Variants in ABCA7 observed in about 807,000 individuals in gnomAD.
ABCA7 encodes ATP binding cassette subfamily A member 7, also known as phospholipid-transporting ATPase ABCA7.
Under a neutral mutation model 227.6 loss-of-function variants are expected in ABCA7, and 261 were observed. The ratio of observed to expected loss-of-function variants is 1.15; its 90% CI spans 1.04 to 1.27. The LOEUF (loss-of-function observed/expected upper bound fraction) is 1.27. Among genes scored for constraint, ABCA7 ranks in the 50% most tolerant of loss-of-function variants. The pLI, the probability that ABCA7 is intolerant of heterozygous loss-of-function variation, is 0.00. For synonymous variants in ABCA7, 1,488 were observed against 1,279.7 expected (o/e 1.16, Z -3.47); for missense variants, 3,331 against 2,924.5 (o/e 1.14, Z -3.21).
chr19:1,053,700 A>T, intron 24 of ABCA7, 88 bp from the exon 25 acceptor site: 3 of 1,545,074 alleles, frequency 1.9e-6, no homozygotes, highest in East Asian at 2.3e-5. Flanking sequence ...GGCCTGGGGG[A>T]CCCATGGTGT....
chr19:1,054,446 C>T lies in ABCA7; in HGVS notation c.3726+105C>T. 3 of 1,552,002 alleles carry T rather than the reference C, an allele frequency of 1.9e-6. No homozygotes were observed. The highest frequency in any genetic ancestry group is 2.6e-6 in the Non-Finnish European group (3 of 1,150,212). ...AAACCCTTACCCCCGTGTGTATTCCCAACCCAAAGCACATTTATTGAGGGC... is the reference window on the plus strand; with the variant it reads ...AAACCCTTACCCCCGTGTGTATTCCTAACCCAAAGCACATTTATTGAGGGC... On this transcript the variant is annotated intron_variant, in intron 27 of 46. Transcript: ENST00000263094. The surrounding 1 kb of genome is among the most constrained non-coding windows in gnomAD (Gnocchi z 4.8).
chr19:1,060,615 G>A (rs544106183), intron 40 of ABCA7, among the ~76,000 whole-genome samples: 27 of 151,612 alleles, frequency 1.8e-4, no homozygotes, highest in Non-Finnish European at 3.2e-4. Context: ...TGCCTCCCAG[G>A]TTCAGGCGAT....
chr19:1,056,806 A>T lies in ABCA7; in HGVS notation c.4587-101A>T. On this transcript the variant is annotated intron_variant, in intron 33 of 46. Coordinates refer to ENST00000263094, the MANE Select transcript of ABCA7 (RefSeq NM_019112.4). This position sits in a 1 kb window ranked among gnomAD's most constrained non-coding sequence, Gnocchi z 4.3. ...GCCCCTGCCATCTCTGCCACTGCTG[A>T]CTGCCCCATAGACCTTTGTCCCATC... 7.5e-7 allele frequency: 1 copy of T among 1,330,354 alleles called. No individual in the cohort carries two copies. Among genetic ancestry groups the T allele is most frequent in the South Asian group, 1.4e-5 (1 of 73,192 alleles). 82.4% of individuals were successfully genotyped at this position (1,330,354 alleles called of 1,614,324 possible). A position where few individuals can be genotyped will look rare whatever the true frequency, so the allele number is the denominator to read the frequency against.
Position 1,054,691 on chromosome 19 carries a change from T to C in ABCA7, c.3848T>C (p.Phe1283Ser). 6.2e-7 allele frequency: 1 copy of C among 1,612,600 alleles called. No homozygotes were observed. Among genetic ancestry groups the C allele is most frequent in the Non-Finnish European group, 8.5e-7 (1 of 1,179,294 alleles). The change falls in exon 28 of 47, where the codon TTC becomes TCC. Residue 1283 changes from phenylalanine (F) to serine (S), a missense_variant. Phe to Ser is a radical substitution (Grantham distance 155). Coordinates refer to ENST00000263094, the MANE Select transcript of ABCA7 (RefSeq NM_019112.4). The surrounding 1 kb of genome is among the most constrained non-coding windows in gnomAD (Gnocchi z 4.8). ...PTMYGAQVSF[F>S]SEDAPGDPGR... ...ATGTACGGTGCTCAGGTGTCCTTCT[T>C]CAGGTGGGTGCAGAAGGAAGGGGCT... is the stretch of plus-strand genomic sequence containing the variant.
intron 30 of ABCA7, 105 bp downstream of exon 30, chr19:1,055,456 G>C (rs2042161934): frequency 7.5e-7 from 1 of 1,341,614 alleles, no homozygotes; most frequent in Non-Finnish European, 9.8e-7. Context: ...TGGATGCCCA[G>C]CTTGGGGCTA....
rs73505207 is a variant in ABCA7, at chr19:1,045,374, C to T, written c.1445+143C>T. 5,111 of 889,188 alleles carry T rather than the reference C, an allele frequency of 5.7e-3. 177 individuals carry two copies. The African/African-American group carries it at 0.076, about 13-fold the overall frequency. 55.1% of individuals were successfully genotyped at this position (889,188 alleles called of 1,614,324 possible). On this transcript the variant is annotated intron_variant, in intron 12 of 46. Transcript: ENST00000263094. ...CAACAGTGGTATGGTAGCCAGAGCC[C>T]GGGGCTCCTTAGACCAATAGGGGCC...
Position 1,060,267 on chromosome 19 carries a change from A to C in ABCA7, c.5463+1182A>C, listed in dbSNP as rs1300806634. ...CTCACTGTCACCCAGCTTGGTGTGCAATGGTGTAATCTTGGCTCACGGTAA... is the reference window on the plus strand; with the variant it reads ...CTCACTGTCACCCAGCTTGGTGTGCCATGGTGTAATCTTGGCTCACGGTAA... On this transcript the variant is annotated intron_variant, in intron 40 of 46. Transcript: ENST00000263094. 4.0e-5 allele frequency among the ~76,000 whole-genome samples: 6 copies of C among 149,736 alleles called. No homozygotes were observed. In the East Asian group the frequency reaches 9.7e-4, roughly 24 times the overall value.
At chr19:1,063,461 T>A (rs547734297) in intron 42 of ABCA7, 83 bp from the exon 43 acceptor site, 1 of 1,537,194 alleles carries the variant, frequency 6.5e-7, no homozygotes, top group African/African-American at 1.4e-5. Context: ...TGCTCCACAC[T>A]CAATGCTGGC....
chr19:1,052,183 G>A (rs777538240), intron 22 of ABCA7, 31 bp from the exon 23 acceptor site: 5 of 1,591,162 alleles, frequency 3.1e-6, no homozygotes, highest in African/African-American at 1.4e-5. Context: ...AGCCCTGAAG[G>A]CCAAGCCACT....
Position 1,056,195 on chromosome 19 carries a change from A to T in ABCA7, c.4368A>T (p.Lys1456Asn), listed in dbSNP as rs144760377. 3.7e-6 allele frequency: 6 copies of T among 1,605,850 alleles called. No homozygotes were observed. The African/African-American group carries it at 8.0e-5, about 21-fold the overall frequency. Reference protein sequence around the residue: ...LPGGALDRVLKNLTAWAHSLD... With the variant: ...LPGGALDRVLNNLTAWAHSLD... ...GCGGGGCCCTCGACCGTGTCCTGAA[A>T]AACCTCACAGCCTGGGCTCACAGCC... Residue 1456 changes from lysine to asparagine, a missense_variant, in exon 32 of 47, where the codon AAA (lysine) becomes AAT (asparagine). By Grantham distance (94) the Lys-to-Asn change is moderately conservative. Transcript: ENST00000263094. This position sits in a 1 kb window ranked among gnomAD's most constrained non-coding sequence, Gnocchi z 4.3.
Position 1,056,263 on chromosome 19 carries a change from G to A in ABCA7, c.4416+20G>A, listed in dbSNP as rs201363859. 8 of 1,590,174 alleles carry A rather than the reference G, an allele frequency of 5.0e-6. No individual in the cohort carries two copies. In the African/African-American group the frequency reaches 6.7e-5, roughly 13 times the overall value. On this transcript the variant is annotated intron_variant, in intron 32 of 46. Transcript: ENST00000263094. This position sits in a 1 kb window ranked among gnomAD's most constrained non-coding sequence, Gnocchi z 4.3. ...CTCAAGGTGGGAACTGGGGGGGCAG[G>A]TGGGCGTCCTGTCACAGCAAGGTCC...
intron 40 of ABCA7, among the ~76,000 whole-genome samples, chr19:1,059,721 G>A (rs1254635917): frequency 6.6e-6 from 1 of 151,142 alleles, no homozygotes; most frequent in African/African-American, 2.4e-5. Flanking sequence ...CTGCCATCAC[G>A]CCTGGCTAAT....
intron 21 of ABCA7, 42 bp from the exon 22 acceptor site, chr19:1,051,900 C>G (rs201848751): frequency 6.3e-7 from 1 of 1,596,260 alleles, no homozygotes; most frequent in Admixed American, 1.7e-5. Context: ...GGCAAAGACG[C>G]GGCGGCCTGA....
Position 1,057,327 on chromosome 19 carries a change from T to A in ABCA7, c.4778T>A (p.Val1593Glu), listed in dbSNP as rs780151681. The A allele has an allele frequency of 6.2e-7, 1 of 1,613,936 alleles. No homozygotes were observed. The highest frequency in any genetic ancestry group is 1.7e-5 in the Admixed American group (1 of 60,018). The stretch of plus-strand genomic sequence containing the variant: ...TCTCCAATGCAGTGTAACTACTTGG[T>A]GCCAGCATGCATCGTGGTGCTCATC... ...NFLWDMCNYL[V>E]PACIVVLIFL... Residue 1593 changes from valine (V) to glutamate (E), a missense_variant, in exon 35 of 47, where the codon GTG becomes GAG. Physicochemically the swap from Val to Glu is moderately radical, Grantham distance 121. Coordinates refer to ENST00000263094, the MANE Select transcript of ABCA7 (RefSeq NM_019112.4).
chr19:1,060,207 A>ATATATATATATATATATATTTTTTT, intron 40 of ABCA7, among the ~76,000 whole-genome samples: 2 of 96,770 alleles, frequency 2.1e-5, no homozygotes, highest in African/African-American at 7.0e-5. Context: ...ATATATATAT[A>ATATATATATATATATATATTTTTTT]TTTTTTTTTC....
chr19:1,057,445 CCTCAGGGCCTATT>C lies in ABCA7; in HGVS notation c.4880+19_4880+31del. 1 of 1,601,852 alleles carries C rather than the reference CCTCAGGGCCTATT, an allele frequency of 6.2e-7. No homozygotes were observed. Among genetic ancestry groups the C allele is most frequent in the Non-Finnish European group, 8.6e-7 (1 of 1,169,274 alleles). On this transcript the variant is annotated intron_variant, in intron 35 of 46. Coordinates refer to ENST00000263094, the MANE Select transcript of ABCA7 (RefSeq NM_019112.4). ...TACTGTATGGGTGAGGCCCCCAGTC[CCTCAGGGCCTATT>C]CTTACTGACCCCTTACTGCCTTCCA...
chr19:1,051,885 G>C (rs534539982), intron 21 of ABCA7, 57 bp from the exon 22 acceptor site: 1 of 1,585,420 alleles, frequency 6.3e-7, no homozygotes, highest in Non-Finnish European at 8.6e-7. Flanking sequence ...AGAGGCCCCA[G>C]CTCGGGCAAA....
Position 1,043,739 on chromosome 19 carries a change from CGAG to C in ABCA7, c.949_951del (p.Glu317del), listed in dbSNP as rs1173747149. On this transcript the variant is annotated inframe_deletion, in exon 10 of 47. Transcript: ENST00000263094. ...GCTGTCCACAGGTGAACCGGACCTT[CGAG>C]GAGCTCACCCTGCTGAGGGATGTCC... 1 of 1,612,716 alleles carries C rather than the reference CGAG, an allele frequency of 6.2e-7. No individual in the cohort carries two copies. Among genetic ancestry groups the C allele is most frequent in the African/African-American group, 1.3e-5 (1 of 74,818 alleles).
Position 1,056,146 on chromosome 19 carries a change from G to A in ABCA7, c.4319G>A (p.Trp1440Ter), listed in dbSNP as rs2042233922. The A allele has an allele frequency of 1.9e-6, 3 of 1,609,682 alleles. No individual in the cohort carries two copies. ...QELGRSVEEL[W>*]ALLSPLPGGA... ...TTGGGCCGCTCAGTGGAGGAGTTGT[G>A]GGCGCTGCTGAGTCCCCTGCCTGGC... The change falls in exon 32 of 47, where the codon TGG becomes TAG. Residue 1440 changes from tryptophan to a stop codon, truncating the protein, a stop_gained. Coordinates refer to ENST00000263094, the MANE Select transcript of ABCA7 (RefSeq NM_019112.4). LOFTEE classifies it high-confidence loss of function. The surrounding 1 kb of genome is among the most constrained non-coding windows in gnomAD (Gnocchi z 4.3).
Sources: allele counts gnomAD v4.1 joint callset (sites outside exome capture counted in the v4.1 genomes callset), GRCh38; gene constraint gnomAD v4.1.1; non-coding constraint Gnocchi (gnomAD v3.1); transcripts MANE v1.5; gene names NCBI Gene and HGNC (gene_info 2026-07-23, HGNC 2026-07-21).